Variants in KLHL24 observed in about 807,000 individuals in gnomAD.
The protein encoded by KLHL24 is kelch-like protein 24.
Under a neutral mutation model 53.4 loss-of-function variants are expected in KLHL24, and 29 were observed. That is an observed-to-expected ratio of 0.54 (90% CI 0.40 to 0.74). The LOEUF is 0.74. Among genes scored for constraint, KLHL24 ranks in the 30% least tolerant of loss-of-function variants. The pLI is 0.00. For missense variants in KLHL24, 504 were observed against 744.0 expected (o/e 0.68, Z 3.75); for synonymous variants, 222 against 253.7 (o/e 0.88, Z 1.19).
At chr3:183,639,367 A>T (rs542050480) in intron 1 of KLHL24, among the ~76,000 whole-genome samples, 97 of 152,152 alleles carry the variant, frequency 6.4e-4, no homozygotes, top group Non-Finnish European at 1.1e-3. Context: ...GCGGTGGCTC[A>T]CGCCTGTAAT....
rs1396587879 is a variant in KLHL24, at chr3:183,651,462, A to AT, written c.920+192dup. On this transcript the variant is annotated intron_variant, in intron 3 of 7. Transcript: ENST00000242810. ...AGTGAATTCTAGATTCAACAGTAGC[A>AT]TTTTTTGTTATTGTTGTTTTGTGCT... Among the ~76,000 whole-genome samples, 5 of 152,300 alleles carry AT rather than the reference A, an allele frequency of 3.3e-5. No individual in the cohort carries two copies. In the East Asian group the frequency reaches 9.6e-4, roughly 29 times the overall value.
Position 183,640,568 on chromosome 3 carries a change from T to C in KLHL24, c.-124-2912T>C, listed in dbSNP as rs547797202. Among the ~76,000 whole-genome samples, 3 of 151,528 alleles carry C rather than the reference T, an allele frequency of 2.0e-5. 1 individual carries two copies. In the South Asian group the frequency reaches 6.2e-4, roughly 31 times the overall value. On this transcript the variant is annotated intron_variant, in intron 1 of 7. Transcript: ENST00000242810. ...AACTCAAGGTTTTAGTTGGTTTCTGTTACCTTTTCTTTTTTTTCTTTTTTC... is the reference window on the plus strand; with the variant it reads ...AACTCAAGGTTTTAGTTGGTTTCTGCTACCTTTTCTTTTTTTTCTTTTTTC...
chr3:183,649,313 GT>G (rs756778259), intron 2 of KLHL24, among the ~76,000 whole-genome samples: 2 of 152,050 alleles, frequency 1.3e-5, no homozygotes, highest in Non-Finnish European at 2.9e-5. Flanking sequence ...TTACTGTGTG[GT>G]TACTACTTCC....
chr3:183,665,126 G>A, intron 5 of KLHL24, 87 bp downstream of exon 5: 2 of 698,414 alleles, frequency 2.9e-6, no homozygotes, highest in South Asian at 1.9e-5. Flanking sequence ...TCACCCTCTG[G>A]GTATTTTGGA....
At chr3:183,637,217 T>G (rs918048628) in intron 1 of KLHL24, among the ~76,000 whole-genome samples, 5 of 152,226 alleles carry the variant, frequency 3.3e-5, no homozygotes, top group African/African-American at 1.2e-4. Flanking sequence ...AGCTACAGAC[T>G]GGGTCCACCA....
chr3:183,648,274 T>C (rs1310272177), intron 2 of KLHL24, among the ~76,000 whole-genome samples: 1 of 152,088 alleles, frequency 6.6e-6, no homozygotes, highest in African/African-American at 2.4e-5. Context: ...AAGAAGAGAA[T>C]ACTATATATA....
intron 6 of KLHL24, among the ~76,000 whole-genome samples, chr3:183,671,488 G>C (rs1194605627): frequency 6.6e-6 from 1 of 152,120 alleles, no homozygotes; most frequent in Non-Finnish European, 1.5e-5. Flanking sequence ...AAATTGTTCT[G>C]AGCCTTTGCT....
At chr3:183,654,232 G>A (rs1718536970) in intron 3 of KLHL24, among the ~76,000 whole-genome samples, 1 of 151,984 alleles carries the variant, frequency 6.6e-6, no homozygotes, top group African/African-American at 2.4e-5. Flanking sequence ...TCTCCTCTTG[G>A]TCCTCCTATT....
rs570767510 is a variant in KLHL24, at chr3:183,682,066, A to C, written c.*2780A>C. ...TTTTTTTTTATTTGGGCATTTCTAG[A>C]ACTTTTTACATTTGAAAGTACATGA... is the stretch of plus-strand genomic sequence containing the variant. On this transcript the variant is annotated 3_prime_UTR_variant, in exon 8 of 8. Coordinates refer to ENST00000242810, the MANE Select transcript of KLHL24 (RefSeq NM_017644.3). 6.6e-6 allele frequency: 1 copy of C among 152,274 alleles called. No individual in the cohort carries two copies. The highest frequency in any genetic ancestry group is 2.4e-5 in the African/African-American group (1 of 41,564). 9.4% of individuals were successfully genotyped at this position (152,274 alleles called of 1,614,324 possible). A position where few individuals can be genotyped will look rare whatever the true frequency, so the allele number is the denominator to read the frequency against.
At chr3:183,636,184 C>T (rs1039124636) in intron 1 of KLHL24, 1 of 152,220 alleles carries the variant, frequency 6.6e-6, no homozygotes, top group African/African-American at 2.4e-5. Context: ...TGCTTGTTGC[C>T]GATGGGCTGC....
At chr3:183,638,043 A>C (rs1162782539) in intron 1 of KLHL24, among the ~76,000 whole-genome samples, 4 of 152,232 alleles carry the variant, frequency 2.6e-5, no homozygotes, top group Non-Finnish European at 5.9e-5. Context: ...TTGGTTATGC[A>C]TTCTTTAAAA....
At chr3:183,637,939 G>A (rs932343731) in intron 1 of KLHL24, among the ~76,000 whole-genome samples, 1 of 152,222 alleles carries the variant, frequency 6.6e-6, no homozygotes, top group African/African-American at 2.4e-5. Flanking sequence ...GATTGCAGGC[G>A]TGAGCCACCG....
chr3:183,640,113 G>C (rs1485557292), intron 1 of KLHL24, among the ~76,000 whole-genome samples: 1 of 152,036 alleles, frequency 6.6e-6, no homozygotes, highest in Non-Finnish European at 1.5e-5. Context: ...ATAAAACAAT[G>C]CATTAAATAC....
chr3:183,674,269 T>TTCTTTCTTTCTA (rs1721793190), intron 7 of KLHL24, among the ~76,000 whole-genome samples: 1 of 150,306 alleles, frequency 6.7e-6, no homozygotes, highest in Admixed American at 6.6e-5. Flanking sequence ...CTTTCTTTCT[T>TTCTTTCTTTCTA]TCTTTCTTTC....
intron 6 of KLHL24, among the ~76,000 whole-genome samples, chr3:183,671,675 C>T (rs1448872937): frequency 2.0e-5 from 3 of 152,084 alleles, no homozygotes; most frequent in Non-Finnish European, 4.4e-5. Flanking sequence ...GAGGATGGCT[C>T]AAAGTTGTTC....
rs1721263140 is a variant in KLHL24 at position 183,671,018 on chromosome 3, T to C, written c.1225-16T>C. The stretch of plus-strand genomic sequence containing the variant: ...ACTTTTGATAATTAAGATTTTTCCA[T>C]GTATTTTACATATAGGTATATGTTG... On this transcript the variant is annotated splice_polypyrimidine_tract_variant and intron_variant, in intron 5 of 7. Transcript: ENST00000242810. The C allele has an allele frequency of 1.9e-6, 3 of 1,565,480 alleles. No individual in the cohort carries two copies. The highest frequency in any genetic ancestry group is 2.3e-5 in the South Asian group (2 of 87,538).
Position 183,679,474 on chromosome 3 carries a change from A to C in KLHL24, c.*188A>C. The C allele has an allele frequency of 1.8e-6, 1 of 566,800 alleles. No homozygotes were observed. Among genetic ancestry groups the C allele is most frequent in the South Asian group, 2.4e-5 (1 of 42,286 alleles). The allele number at this position is 566,800 out of a possible 1,614,324, so 35.1% of individuals were successfully genotyped here. A position where few individuals can be genotyped will look rare whatever the true frequency, so the allele number is the denominator to read the frequency against. ...TAAAGCCTTTCCTATAATTGAAAAA[A>C]AAAACTTTTTTGTTAAAGGTAATGG... On this transcript the variant is annotated 3_prime_UTR_variant, in exon 8 of 8. Coordinates refer to ENST00000242810, the MANE Select transcript of KLHL24 (RefSeq NM_017644.3).
At chr3:183,636,097 G>C (rs1308361481) in intron 1 of KLHL24, 3 of 152,676 alleles carry the variant, frequency 2.0e-5, no homozygotes, top group Non-Finnish European at 4.4e-5. Context: ...GCCGGGACTG[G>C]GGGTAGCCGC....
rs568692152 is a variant in KLHL24, at chr3:183,684,248, T to C, written c.*4962T>C. ...TGTTGGAGCTCTAAGACAATACAAATTTAGAGTTGAACAAAAGTATAATCT... is the reference window on the plus strand; with the variant it reads ...TGTTGGAGCTCTAAGACAATACAAACTTAGAGTTGAACAAAAGTATAATCT... On this transcript the variant is annotated 3_prime_UTR_variant, in exon 8 of 8. Coordinates refer to ENST00000242810, the MANE Select transcript of KLHL24 (RefSeq NM_017644.3). 3.9e-4 allele frequency: 60 copies of C among 152,552 alleles called. No homozygotes were observed. The highest frequency in any genetic ancestry group is 1.4e-3 in the African/African-American group (58 of 41,566). 9.4% of individuals were successfully genotyped at this position (152,552 alleles called of 1,614,324 possible).
Sources: allele counts gnomAD v4.1 joint callset (sites outside exome capture counted in the v4.1 genomes callset), GRCh38; gene constraint gnomAD v4.1.1; transcripts MANE v1.5; gene names NCBI Gene and HGNC (gene_info 2026-07-23, HGNC 2026-07-21).